The following ARHGAP26 variants were observed in gnomAD, a reference collection of about 807,000 sequenced individuals.
ARHGAP26 encodes the protein Rho GTPase activating protein 26.
In ARHGAP26, 38 loss-of-function variants were observed where a neutral mutation model predicts 104.8. The observed-to-expected ratio is 0.36, with a 90% CI of 0.28 to 0.48. ARHGAP26 has a LOEUF of 0.48. ARHGAP26 is among the 20% of genes least tolerant of loss of function. The pLI, the probability that ARHGAP26 is intolerant of heterozygous loss-of-function variation, is 0.99. For synonymous variants in ARHGAP26, 341 were observed against 340.0 expected, an observed-to-expected ratio of 1.00 and a Z score of -0.03; for missense variants, 704 against 947.9, an observed-to-expected ratio of 0.74 and a Z score of 3.38.
intron 1 of ARHGAP26, among the ~76,000 whole-genome samples, chr5:142,818,116 G>A (rs1765473547): frequency 6.6e-6 from 1 of 152,124 alleles, no homozygotes; most frequent in Non-Finnish European, 1.5e-5. Context: ...GACAGCTTGG[G>A]TATTGGCAGG....
At position 143,041,722 on chromosome 5, in the gene ARHGAP26, GAAAA is replaced by G. The variant is rs34295120; in HGVS notation, c.1211-78_1211-75del. On this transcript the variant is annotated intron_variant, in intron 13 of 22. Coordinates refer to ENST00000645722, the MANE Select transcript of ARHGAP26 (RefSeq NM_001135608.3). ...CAGCTTTTAGGAGGACTGAGAAAAT[GAAAA>G]AAAAAAAAAAAAAAAGTGCATTTGG... is the stretch of plus-strand genomic sequence containing the variant. The G allele has an allele frequency of 3.8e-3, 2,413 of 641,262 alleles. 11 individuals are homozygous for G. Among genetic ancestry groups the G allele is most frequent in the African/African-American group, 0.027 (1,346 of 49,644 alleles). 39.7% of individuals were successfully genotyped at this position (641,262 alleles called of 1,614,324 possible).
At chr5:142,890,219 AT>A (rs1326300475) in intron 5 of ARHGAP26, among the ~76,000 whole-genome samples, 1 of 131,298 alleles carries the variant, frequency 7.6e-6, no homozygotes, top group Non-Finnish European at 1.6e-5. Flanking sequence ...GCATTTAACC[AT>A]TATAAATGTG....
At chr5:143,050,683 G>A (rs185842254) in intron 14 of ARHGAP26, among the ~76,000 whole-genome samples, 1 of 152,184 alleles carries the variant, frequency 6.6e-6, no homozygotes, top group African/African-American at 2.4e-5. Context: ...TTGAAGACTG[G>A]AGCCTACTGG....
At chr5:142,849,435 G>A (rs949767277) in intron 1 of ARHGAP26, among the ~76,000 whole-genome samples, 12 of 152,156 alleles carry the variant, frequency 7.9e-5, no homozygotes, top group African/African-American at 2.9e-4. Context: ...TCAAACAGCC[G>A]CCGTGAGATT....
intron 20 of ARHGAP26, among the ~76,000 whole-genome samples, chr5:143,204,598 G>A (rs985535138): frequency 1.3e-5 from 2 of 152,082 alleles, no homozygotes; most frequent in African/African-American, 4.8e-5. Flanking sequence ...TAATAGTTAC[G>A]AATATCCTGC....
chr5:142,914,791 A>G (rs889241814), intron 10 of ARHGAP26, among the ~76,000 whole-genome samples: 27 of 152,102 alleles, frequency 1.8e-4, no homozygotes, highest in African/African-American at 5.8e-4. Context: ...TTTAAACAAA[A>G]CCTAAACCTT....
intron 20 of ARHGAP26, among the ~76,000 whole-genome samples, chr5:143,195,639 C>T (rs1806707896): frequency 6.6e-6 from 1 of 152,138 alleles, no homozygotes; most frequent in Non-Finnish European, 1.5e-5. Flanking sequence ...CTAAAAGAGT[C>T]AACATAATTT....
chr5:143,215,026 T>C (rs1329769060), intron 22 of ARHGAP26, among the ~76,000 whole-genome samples: 1 of 152,242 alleles, frequency 6.6e-6, no homozygotes, highest in East Asian at 1.9e-4. Flanking sequence ...GCAGGTGCAG[T>C]GGGTCTGCTG....
intron 11 of ARHGAP26, among the ~76,000 whole-genome samples, chr5:142,950,054 A>C (rs1363888883): frequency 6.6e-6 from 1 of 152,210 alleles, no homozygotes; most frequent in African/African-American, 2.4e-5. Context: ...GGAAGGTCTC[A>C]GCTGAGTGCA....
intron 9 of ARHGAP26, among the ~76,000 whole-genome samples, chr5:142,909,976 C>T (rs830532): frequency 0.47 from 71,127 of 151,998 alleles, 20,154 homozygotes; most frequent in East Asian, 0.91. Context: ...CCAGAGACTT[C>T]AGAGAGTTAC....
At chr5:143,173,885 T>TA (rs1189980839) in intron 20 of ARHGAP26, among the ~76,000 whole-genome samples, 1 of 152,228 alleles carries the variant, frequency 6.6e-6, no homozygotes, top group African/African-American at 2.4e-5. Flanking sequence ...TGAAGGCTGT[T>TA]AGACATTGAG....
intron 1 of ARHGAP26, chr5:142,771,391 T>G: frequency 8.1e-7 from 1 of 1,231,996 alleles, no homozygotes; most frequent in East Asian, 3.2e-5. Flanking sequence ...TTGTGACTGC[T>G]TCGCTCCCTG....
At chr5:142,981,336 A>G (rs901132742) in intron 11 of ARHGAP26, among the ~76,000 whole-genome samples, 1 of 152,216 alleles carries the variant, frequency 6.6e-6, no homozygotes, top group South Asian at 2.1e-4. Context: ...ATTCAATGAG[A>G]CATGCATCCT....
At chr5:142,776,033 C>T (rs1392119393) in intron 1 of ARHGAP26, among the ~76,000 whole-genome samples, 1 of 152,196 alleles carries the variant, frequency 6.6e-6, no homozygotes, top group Admixed American at 6.5e-5. Flanking sequence ...AAAGCAGTTA[C>T]TTGCTTCAGG....
chr5:143,138,631 A>G (rs1798168330), intron 19 of ARHGAP26, among the ~76,000 whole-genome samples: 1 of 152,214 alleles, frequency 6.6e-6, no homozygotes, highest in African/African-American at 2.4e-5. Context: ...TCTTGTCTGT[A>G]GAACTGCGGA....
rs1354380632 is a variant in ARHGAP26 at position 143,222,280 on chromosome 5, CACA to C, written c.2192-77_2192-75del. ...ACACACACACACACACACACACACA[CACA>C]CCCCACACACACATCTGCCGCCTGC... On this transcript the variant is annotated intron_variant, in intron 22 of 22. Coordinates refer to ENST00000645722, the MANE Select transcript of ARHGAP26 (RefSeq NM_001135608.3). 157 of 869,602 alleles carry C rather than the reference CACA, an allele frequency of 1.8e-4. No individual in the cohort carries two copies. In the African/African-American group the frequency reaches 2.2e-3, roughly 12 times the overall value. 53.9% of individuals were successfully genotyped at this position (869,602 alleles called of 1,614,324 possible).
chr5:142,859,963 G>A lies in ARHGAP26; in HGVS notation c.155-13437G>A, dbSNP rs186054006. 5.2e-5 allele frequency: 8 copies of A among 152,428 alleles called. No individual in the cohort carries two copies. In the East Asian group the frequency reaches 1.5e-3, roughly 29 times the overall value. The allele number at this position is 152,428 out of a possible 1,614,324, so 9.4% of individuals were successfully genotyped here. On this transcript the variant is annotated intron_variant, in intron 1 of 22. Transcript: ENST00000645722. ...TAGGTGTAACCCCTCAGGGCTGTCAGCGTTCCCCCTTACTCAGTCGTAGAT... is the reference window on the plus strand; with the variant it reads ...TAGGTGTAACCCCTCAGGGCTGTCAACGTTCCCCCTTACTCAGTCGTAGAT...
intron 13 of ARHGAP26, 42 bp from the exon 14 acceptor site, chr5:143,041,774 C>A: frequency 7.2e-7 from 1 of 1,396,654 alleles, no homozygotes. Flanking sequence ...GACTTGTGTT[C>A]TGACGTGCCT....
At chr5:142,844,996 A>G (rs1257344935) in intron 1 of ARHGAP26, among the ~76,000 whole-genome samples, 1 of 152,096 alleles carries the variant, frequency 6.6e-6, no homozygotes. Flanking sequence ...TGAGGACTGG[A>G]GGGATGCACT....
Sources: allele counts gnomAD v4.1 joint callset (sites outside exome capture counted in the v4.1 genomes callset), GRCh38; gene constraint gnomAD v4.1.1; transcripts MANE v1.5; gene names NCBI Gene and HGNC (gene_info 2026-07-23, HGNC 2026-07-21).